Variants in CARMIL1 observed in about 807,000 individuals in gnomAD.
The protein encoded by CARMIL1 is F-actin-uncapping protein LRRC16A.
Under a neutral mutation model 177.1 loss-of-function variants are expected in CARMIL1, and 90 were observed. That is an observed-to-expected ratio of 0.51 (90% confidence interval 0.43 to 0.61). The LOEUF (loss-of-function observed/expected upper bound fraction) is 0.61. Among genes scored for constraint, CARMIL1 ranks in the 20% least tolerant of loss-of-function variants. The probability of loss-of-function intolerance (pLI) is 0.00; values close to 1 mark genes in which losing one functional copy is unlikely to be tolerated. For missense variants in CARMIL1, 1,380 were observed against 1,667.0 expected (o/e 0.83, Z 3.00); for synonymous variants, 577 against 606.2 (o/e 0.95, Z 0.71).
rs1273773631 is a variant in CARMIL1, at chr6:25,581,429, C to T, written c.2996C>T (p.Thr999Ile). 6.2e-7 allele frequency: 1 copy of T among 1,610,404 alleles called. No homozygotes were observed. The highest frequency in any genetic ancestry group is 1.1e-5 in the South Asian group (1 of 90,424). Residue 999 changes from threonine to isoleucine, a missense_variant, in exon 31 of 37, where the codon ACC becomes ATC. Transcript: ENST00000329474. The stretch of plus-strand genomic sequence containing the variant: ...AAAAGGAATAAGAAGCAGCAACCCA[C>T]CCAAGCAGCGGTAGGTGGACTGCAG... ...RPKRNKKQQP[T>I]QAAVCAANIV...
chr6:25,476,081 T>C, intron 11 of CARMIL1, among the ~76,000 whole-genome samples: 1 of 152,246 alleles, frequency 6.6e-6, no homozygotes, highest in Admixed American at 6.5e-5. Context: ...CGAATTTGAT[T>C]GATTTGATTT....
chr6:25,577,964 A>C lies in CARMIL1; in HGVS notation c.2743-2960A>C, dbSNP rs747169021. Among the ~76,000 whole-genome samples the C allele has an allele frequency of 5.3e-5, 8 of 152,202 alleles. No individual in the cohort carries two copies. The highest frequency in any genetic ancestry group is 2.1e-4 in the South Asian group (1 of 4,828). On this transcript the variant is annotated intron_variant, in intron 29 of 36. Coordinates refer to ENST00000329474, the MANE Select transcript of CARMIL1 (RefSeq NM_017640.6). The surrounding 1 kb of genome is among the most constrained non-coding windows in gnomAD (Gnocchi z 4.5). Reference sequence around the variant, plus strand: ...AAAATTACATTTAAAATAAGGGTTTAACACCTTTTTCCTCATACTTTTTTG... The same window carrying C: ...AAAATTACATTTAAAATAAGGGTTTCACACCTTTTTCCTCATACTTTTTTG...
In CARMIL1 at chr6:25,330,888, GTTTTT is replaced by G. The variant is rs67633087; in HGVS notation, c.138+45996_138+46000del. 4.1e-3 allele frequency among the ~76,000 whole-genome samples: 482 copies of G among 118,208 alleles called. 1 individual carries two copies. The highest frequency in any genetic ancestry group is 0.014 in the African/African-American group (426 of 30,822). 77.5% of individuals were successfully genotyped at this position (118,208 alleles called of 152,430 possible). A position where few individuals can be genotyped will look rare whatever the true frequency, so the allele number is the denominator to read the frequency against. On this transcript the variant is annotated intron_variant, in intron 2 of 36. Transcript: ENST00000329474. ...TTTTGCTGCTTTACATTTTCAAGAG[GTTTTT>G]TTTTTTTTTTTTTTTTGAGGAGGAG...
At chr6:25,305,153 G>A (rs1265094230) in intron 2 of CARMIL1, among the ~76,000 whole-genome samples, 7 of 152,120 alleles carry the variant, frequency 4.6e-5, no homozygotes, top group Non-Finnish European at 1.0e-4. Flanking sequence ...TCTCTTTGGG[G>A]GCAGATACAC....
chr6:25,501,387 A>G (rs142714623), intron 17 of CARMIL1, among the ~76,000 whole-genome samples: 47 of 152,266 alleles, frequency 3.1e-4, no homozygotes, highest in African/African-American at 1.1e-3. Flanking sequence ...AGGCTATGCA[A>G]TCCTGGATGA....
chr6:25,580,971 G>A lies in CARMIL1; in HGVS notation c.2790G>A (p.Arg930=). The A allele has an allele frequency of 6.2e-7, 1 of 1,601,420 alleles. No individual in the cohort carries two copies. ...AGAGTATCCATAGCCGAATGCTGCG[G>A]CCTGTTTCTAGGGCTTTTGGTAAGT... ...KRKSIHSRML[R]PVSRAFEMEF... Residue 930 remains arginine, a synonymous_variant, in exon 30 of 37, where the codon CGG becomes CGA. Transcript: ENST00000329474.
chr6:25,387,113 C>A (rs1236501513), intron 2 of CARMIL1, among the ~76,000 whole-genome samples: 2 of 21,816 alleles, frequency 9.2e-5, no homozygotes, highest in African/African-American at 2.0e-4. Flanking sequence ...GACTCTGTCT[C>A]CAAAAAAAAA....
At chr6:25,332,158 C>T (rs1431249644) in intron 2 of CARMIL1, among the ~76,000 whole-genome samples, 3 of 152,276 alleles carry the variant, frequency 2.0e-5, no homozygotes, top group South Asian at 2.1e-4. Flanking sequence ...TGCCTTTTGA[C>T]TTTTGTTGCC....
intron 2 of CARMIL1, among the ~76,000 whole-genome samples, chr6:25,317,662 G>C (rs1158022309): frequency 6.7e-6 from 1 of 149,308 alleles, no homozygotes; most frequent in Non-Finnish European, 1.5e-5. Flanking sequence ...CACCTCCTGG[G>C]ATCAACCCCT....
chr6:25,544,797 T>A lies in CARMIL1; in HGVS notation c.2328+4719T>A, dbSNP rs778581562. ...AATGACATTAATGTCTAACACGCTA[T>A]AAAATTTTAAAAAGCAAGTACTGAA... On this transcript the variant is annotated intron_variant, in intron 26 of 36. Transcript: ENST00000329474. 4.7e-4 allele frequency among the ~76,000 whole-genome samples: 72 copies of A among 152,176 alleles called. 2 individuals carry two copies. The highest frequency in any genetic ancestry group is 1.5e-4 in the Non-Finnish European group (10 of 67,996).
At chr6:25,283,376 C>G (rs117338452) in intron 1 of CARMIL1, among the ~76,000 whole-genome samples, 1,572 of 152,136 alleles carry the variant, frequency 0.01, 53 homozygotes, top group East Asian at 0.063. Context: ...ATTCTGAGGC[C>G]CTTACTGCAG....
chr6:25,566,380 G>A (rs1811554687), intron 29 of CARMIL1, among the ~76,000 whole-genome samples: 1 of 152,102 alleles, frequency 6.6e-6, no homozygotes, highest in African/African-American at 2.4e-5. Flanking sequence ...CCAGCCACTG[G>A]TGCTTTTCTT....
At chr6:25,404,577 T>A (rs1437430798) in intron 2 of CARMIL1, among the ~76,000 whole-genome samples, 2 of 151,794 alleles carry the variant, frequency 1.3e-5, no homozygotes, top group Non-Finnish European at 2.9e-5. Flanking sequence ...GCCAACATGG[T>A]AAAACCCATC....
At chr6:25,462,477 G>A (rs763596381) in intron 8 of CARMIL1, among the ~76,000 whole-genome samples, 8 of 152,172 alleles carry the variant, frequency 5.3e-5, no homozygotes, top group Non-Finnish European at 8.8e-5. Context: ...CAGGCCATCA[G>A]GGCAGGGACC....
At chr6:25,490,113 G>A (rs562883235) in intron 13 of CARMIL1, among the ~76,000 whole-genome samples, 1 of 152,230 alleles carries the variant, frequency 6.6e-6, no homozygotes, top group South Asian at 2.1e-4. Flanking sequence ...GAGAGTGGGC[G>A]GGGAAGGCAA....
intron 4 of CARMIL1, among the ~76,000 whole-genome samples, chr6:25,434,834 G>A (rs1201673219): frequency 1.3e-5 from 2 of 152,132 alleles, no homozygotes. Flanking sequence ...ACAGGCATGA[G>A]CCACTGTGCC....
chr6:25,327,036 G>A (rs558847469), intron 2 of CARMIL1, among the ~76,000 whole-genome samples: 43 of 152,232 alleles, frequency 2.8e-4, no homozygotes, highest in African/African-American at 9.2e-4. Flanking sequence ...CAAAATGAGC[G>A]TACAGTCCAG....
intron 2 of CARMIL1, among the ~76,000 whole-genome samples, chr6:25,296,580 G>A (rs1782379434): frequency 6.6e-6 from 1 of 152,172 alleles, no homozygotes; most frequent in South Asian, 2.1e-4. Flanking sequence ...AACCTTGCAA[G>A]GTTCTTTTAA....
rs144076958 is a variant in CARMIL1 at position 25,348,509 on chromosome 6, C to T, written c.138+63600C>T. Among the ~76,000 whole-genome samples the T allele has an allele frequency of 1.8e-3, 271 of 151,900 alleles. 2 individuals are homozygous for T. Among genetic ancestry groups the T allele is most frequent in the Non-Finnish European group, 1.9e-3 (132 of 67,962 alleles). ...ATTTAAGAAAGAGCAATAGGCTGGG[C>T]GTGATGGCTCACGCCTGTAATCTGA... On this transcript the variant is annotated intron_variant, in intron 2 of 36. Transcript: ENST00000329474.
Sources: gnomAD v4.1 joint callset for allele counts (sites outside exome capture counted in the v4.1 genomes callset) on GRCh38, gnomAD v4.1.1 for gene constraint, Gnocchi (gnomAD v3.1) non-coding constraint, MANE v1.5 for transcripts, NCBI Gene and HGNC (gene_info 2026-07-23, HGNC 2026-07-21) for gene names.